ZNF804A: variants seen among roughly 807,000 people sequenced by gnomAD.
The protein encoded by ZNF804A is zinc finger protein 804A.
Under a neutral mutation model 16.5 loss-of-function variants are expected in ZNF804A, and 2 were observed. That is an observed-to-expected ratio of 0.12 (90% CI 0.05 to 0.38). The LOEUF (loss-of-function observed/expected upper bound fraction) is 0.38. Among genes scored for constraint, ZNF804A ranks in the 10% least tolerant of loss-of-function variants. The pLI is 0.99. For synonymous variants in ZNF804A, 534 were observed against 489.6 expected (o/e 1.09, Z -1.20); for missense variants, 1,473 against 1,390.7 (o/e 1.06, Z -0.94).
At chr2:184,606,656 C>A (rs1461078701) in intron 1 of ZNF804A, among the ~76,000 whole-genome samples, 1 of 152,150 alleles carries the variant, frequency 6.6e-6, no homozygotes, top group Non-Finnish European at 1.5e-5. Context: ...GGCCTGATAA[C>A]CAGCTGAAAA....
At chr2:184,811,470 ACTTT>A (rs1274431455) in intron 1 of ZNF804A, among the ~76,000 whole-genome samples, 1 of 151,970 alleles carries the variant, frequency 6.6e-6, no homozygotes, top group East Asian at 1.9e-4. Context: ...CTAGGATAGA[ACTTT>A]CTTTTATTTC....
intron 1 of ZNF804A, among the ~76,000 whole-genome samples, chr2:184,785,375 A>C (rs1274843363): frequency 6.6e-6 from 1 of 152,084 alleles, no homozygotes; most frequent in Non-Finnish European, 1.5e-5. Context: ...AAGTACTAAT[A>C]AAATCCAACC....
intron 1 of ZNF804A, among the ~76,000 whole-genome samples, chr2:184,625,027 T>C (rs972533997): frequency 6.6e-6 from 1 of 152,188 alleles, no homozygotes; most frequent in African/African-American, 2.4e-5. Context: ...CAGGATACTT[T>C]GATTATACCT....
At chr2:184,759,257 G>T (rs1035733140) in intron 1 of ZNF804A, among the ~76,000 whole-genome samples, 56 of 151,464 alleles carry the variant, frequency 3.7e-4, no homozygotes, top group African/African-American at 1.4e-3. Context: ...AGAGTGCATT[G>T]TTAAAAAGTA....
chr2:184,763,017 T>A (rs1459743572), intron 1 of ZNF804A, among the ~76,000 whole-genome samples: 2 of 152,184 alleles, frequency 1.3e-5, no homozygotes, highest in East Asian at 3.9e-4. Flanking sequence ...TATGTAAAAA[T>A]GTATCAAATA....
intron 1 of ZNF804A, among the ~76,000 whole-genome samples, chr2:184,800,438 A>T (rs1192489214): frequency 1.3e-5 from 2 of 151,626 alleles, no homozygotes; most frequent in African/African-American, 4.8e-5. Flanking sequence ...CTATATATTT[A>T]CTCAAAGAAC....
chr2:184,913,355 A>G (rs1372853536), intron 2 of ZNF804A, among the ~76,000 whole-genome samples: 3 of 152,300 alleles, frequency 2.0e-5, no homozygotes, highest in African/African-American at 7.2e-5. Context: ...TACCTTTACC[A>G]GTGTACTTTA....
intron 2 of ZNF804A, among the ~76,000 whole-genome samples, chr2:184,878,733 T>A (rs1684756494): frequency 1.3e-5 from 2 of 152,116 alleles, no homozygotes; most frequent in Non-Finnish European, 2.9e-5. Flanking sequence ...CAAAAATGTA[T>A]TTTCACATTT....
At chr2:184,885,648 G>A (rs574433037) in intron 2 of ZNF804A, among the ~76,000 whole-genome samples, 2 of 152,162 alleles carry the variant, frequency 1.3e-5, no homozygotes, top group African/African-American at 4.8e-5. Flanking sequence ...AGTTCTGTAC[G>A]TTCTGAGGAG....
At chr2:184,910,024 G>A (rs919015159) in intron 2 of ZNF804A, among the ~76,000 whole-genome samples, 6 of 151,658 alleles carry the variant, frequency 4.0e-5, no homozygotes, top group African/African-American at 1.5e-4. Flanking sequence ...TAGATTCAGG[G>A]GGTAGATGTA....
chr2:184,869,628 T>A (rs567270995), intron 2 of ZNF804A, among the ~76,000 whole-genome samples: 1 of 152,148 alleles, frequency 6.6e-6, no homozygotes, highest in East Asian at 1.9e-4. Context: ...CTTACTAAAT[T>A]TTTTTTCTCC....
At chr2:184,854,451 G>A (rs978601193) in intron 1 of ZNF804A, among the ~76,000 whole-genome samples, 2 of 152,096 alleles carry the variant, frequency 1.3e-5, no homozygotes, top group African/African-American at 4.8e-5. Flanking sequence ...CTCATACAGG[G>A]TAAAGTTCGA....
intron 1 of ZNF804A, among the ~76,000 whole-genome samples, chr2:184,849,667 A>G (rs1355260372): frequency 6.6e-6 from 1 of 152,026 alleles, no homozygotes; most frequent in Non-Finnish European, 1.5e-5. Flanking sequence ...ACTATGGAGG[A>G]TAGTATTGAA....
At chr2:184,875,189 A>C (rs1158556720) in intron 2 of ZNF804A, among the ~76,000 whole-genome samples, 1 of 152,236 alleles carries the variant, frequency 6.6e-6, no homozygotes, top group Non-Finnish European at 1.5e-5. Context: ...TGCTAGTATA[A>C]TGTAAAGTTA....
At chr2:184,793,459 G>C (rs1039857918) in intron 1 of ZNF804A, among the ~76,000 whole-genome samples, 2 of 152,050 alleles carry the variant, frequency 1.3e-5, no homozygotes, top group African/African-American at 4.8e-5. Flanking sequence ...GTTAATGATA[G>C]CCACTCTGAC....
Position 184,756,764 on chromosome 2 carries a change from CTA to C in ZNF804A, c.112-109603_112-109602del, listed in dbSNP as rs1693964969. ...GGTGTACGAGTGTGTATAGGTGTAA[CTA>C]TGTAGATACATGTGTCTTTTTTCAT... On this transcript the variant is annotated intron_variant, in intron 1 of 3. Coordinates refer to ENST00000302277, the MANE Select transcript of ZNF804A (RefSeq NM_194250.2). 2.0e-5 allele frequency among the ~76,000 whole-genome samples: 3 copies of C among 151,934 alleles called. No individual in the cohort carries two copies. In the South Asian group the frequency reaches 6.2e-4, roughly 31 times the overall value.
At chr2:184,695,465 TAAAAAAAAAAA>T (rs779929990) in intron 1 of ZNF804A, among the ~76,000 whole-genome samples, 8 of 51,830 alleles carry the variant, frequency 1.5e-4, no homozygotes, top group South Asian at 7.6e-4. Context: ...ACTCCGTCAT[TAAAAAAAAAAA>T]AAAAAAAAAA....
At chr2:184,870,527 G>A (rs1450519353) in intron 2 of ZNF804A, among the ~76,000 whole-genome samples, 1 of 151,898 alleles carries the variant, frequency 6.6e-6, no homozygotes, top group Admixed American at 6.6e-5. Context: ...CTGAAACTCT[G>A]CTAACTCAAA....
intron 1 of ZNF804A, among the ~76,000 whole-genome samples, chr2:184,627,791 A>G (rs187103320): frequency 6.6e-6 from 1 of 152,302 alleles, no homozygotes; most frequent in East Asian, 1.9e-4. Context: ...CTTCAAGTTA[A>G]TATCTCAGCT....
Sources: gnomAD v4.1 joint callset for allele counts (sites outside exome capture counted in the v4.1 genomes callset) on GRCh38, gnomAD v4.1.1 for gene constraint, MANE v1.5 for transcripts, NCBI Gene and HGNC (gene_info 2026-07-23, HGNC 2026-07-21) for gene names.